Variants in TULP4 observed in about 807,000 individuals in gnomAD.
The protein encoded by TULP4 is TUB like protein 4.
In TULP4, 16 loss-of-function variants were observed where a neutral mutation model predicts 129.0. That is an observed-to-expected ratio of 0.12 (90% CI 0.08 to 0.19). The LOEUF is 0.19. TULP4 is among the 10% of genes least tolerant of loss of function. The pLI, the probability that TULP4 is intolerant of heterozygous loss-of-function variation, is 1.00. For synonymous variants in TULP4, 998 were observed against 854.0 expected, an observed-to-expected ratio of 1.17 and a Z score of -2.94; for missense variants, 1,842 against 2,059.1, an observed-to-expected ratio of 0.89 and a Z score of 2.04.
intron 1 of TULP4, among the ~76,000 whole-genome samples, chr6:158,284,844 GT>G (rs1778809821): frequency 6.6e-6 from 1 of 152,162 alleles, no homozygotes; most frequent in African/African-American, 2.4e-5. Flanking sequence ...CTTGCCCGAG[GT>G]GTGAGCCTCG....
chr6:158,484,826 G>A (rs886129251), intron 8 of TULP4, among the ~76,000 whole-genome samples: 4 of 152,238 alleles, frequency 2.6e-5, no homozygotes, highest in Non-Finnish European at 4.4e-5. Flanking sequence ...GTGTGTGCAC[G>A]CACGCTTGTG....
chr6:158,240,338 CG>C (rs1554272970), intron 1 of TULP4, among the ~76,000 whole-genome samples: 2 of 78,088 alleles, frequency 2.6e-5, no homozygotes, highest in African/African-American at 4.5e-5. Flanking sequence ...GCTGGCCGGG[CG>C]GGGGGCTGAC....
At chr6:158,489,245 T>C (rs1780140121) in intron 8 of TULP4, among the ~76,000 whole-genome samples, 1 of 152,220 alleles carries the variant, frequency 6.6e-6, no homozygotes, top group Admixed American at 6.5e-5. Flanking sequence ...GCCCAGGTTC[T>C]GTGGCTGCCT....
At chr6:158,505,371 C>T (rs1327555379) in intron 13 of TULP4, among the ~76,000 whole-genome samples, 4 of 152,244 alleles carry the variant, frequency 2.6e-5, no homozygotes, top group Admixed American at 6.5e-5. Flanking sequence ...TCTGGCCAGC[C>T]GCCTCTTTTT....
chr6:158,355,493 C>T (rs562485694), intron 1 of TULP4, among the ~76,000 whole-genome samples: 37 of 152,172 alleles, frequency 2.4e-4, no homozygotes, highest in African/African-American at 8.9e-4. Context: ...GCCCTGAGTA[C>T]CAAGGAAAGG....
intron 3 of TULP4, among the ~76,000 whole-genome samples, chr6:158,439,223 C>G (rs984466289): frequency 6.6e-6 from 1 of 152,046 alleles, no homozygotes; most frequent in African/African-American, 2.4e-5. Flanking sequence ...TATCAACTAA[C>G]ACATAGAAGA....
At chr6:158,277,860 C>G (rs1178524344), upstream of TULP4, among the ~76,000 whole-genome samples, 1 of 152,184 alleles carries the variant, frequency 6.6e-6, no homozygotes, top group African/African-American at 2.4e-5. Flanking sequence ...TTTTCTTTTT[C>G]TGGCAGCAGT....
intron 5 of TULP4, among the ~76,000 whole-genome samples, chr6:158,455,055 A>ATTTTTTTT (rs781328845): frequency 9.0e-5 from 3 of 33,212 alleles, no homozygotes; most frequent in African/African-American, 6.8e-4. Flanking sequence ...CAAATTTAAC[A>ATTTTTTTT]TTTTTTTTTT....
intron 3 of TULP4, among the ~76,000 whole-genome samples, chr6:158,440,639 C>A (rs767792934): frequency 2.0e-5 from 3 of 152,194 alleles, no homozygotes; most frequent in Non-Finnish European, 4.4e-5. Flanking sequence ...TGGTTCTTGT[C>A]AAAATCAGCA....
At chr6:158,343,418 T>C (rs1015192152) in intron 1 of TULP4, among the ~76,000 whole-genome samples, 1 of 152,176 alleles carries the variant, frequency 6.6e-6, no homozygotes, top group Non-Finnish European at 1.5e-5. Flanking sequence ...GCTGAACATT[T>C]GTGTTCCCTC....
intron 1 of TULP4, among the ~76,000 whole-genome samples, chr6:158,248,751 TA>T (rs1424701514): frequency 6.6e-6 from 1 of 151,194 alleles, no homozygotes; most frequent in Non-Finnish European, 1.5e-5. Flanking sequence ...CCAAAATAAA[TA>T]AATAAGTAAG....
intron 6 of TULP4, among the ~76,000 whole-genome samples, chr6:158,474,120 CCTT>C (rs1469672427): frequency 6.6e-6 from 1 of 152,250 alleles, no homozygotes; most frequent in Non-Finnish European, 1.5e-5. Flanking sequence ...TGCACCTTGC[CCTT>C]CTTCTGTTTT....
intron 3 of TULP4, among the ~76,000 whole-genome samples, chr6:158,431,875 T>C (rs1417047460): frequency 6.6e-6 from 1 of 152,060 alleles, no homozygotes; most frequent in Non-Finnish European, 1.5e-5. Flanking sequence ...AAAGAGCTGA[T>C]GTGGCAAGCA....
At chr6:158,248,164 G>A (rs993483599) in intron 1 of TULP4, among the ~76,000 whole-genome samples, 1 of 152,110 alleles carries the variant, frequency 6.6e-6, no homozygotes, top group Non-Finnish European at 1.5e-5. Context: ...ATGCCTGGCC[G>A]TGCATGGTGG....
intron 1 of TULP4, among the ~76,000 whole-genome samples, chr6:158,383,096 G>C (rs957584639): frequency 1.2e-4 from 19 of 152,182 alleles, no homozygotes; most frequent in African/African-American, 4.6e-4. Flanking sequence ...CCTGGCACCA[G>C]AATGCAACCC....
At chr6:158,476,692 G>A (rs1779828521) in intron 6 of TULP4, among the ~76,000 whole-genome samples, 1 of 152,140 alleles carries the variant, frequency 6.6e-6, no homozygotes, top group South Asian at 2.1e-4. Context: ...CTTCCTATTT[G>A]CCTTTTCTAT....
At chr6:158,253,240 G>GACACTCATAT (rs1228796779) in intron 1 of TULP4, among the ~76,000 whole-genome samples, 1 of 152,184 alleles carries the variant, frequency 6.6e-6, no homozygotes, top group African/African-American at 2.4e-5. Context: ...CCCTCACTGT[G>GACACTCATAT]AGGAAGAATG....
intron 1 of TULP4, among the ~76,000 whole-genome samples, chr6:158,240,862 C>T (rs930364821): frequency 1.3e-5 from 2 of 151,070 alleles, no homozygotes; most frequent in African/African-American, 4.8e-5. Context: ...CCCCACCTCC[C>T]TCCCGGACGG....
chr6:158,489,781 G>A (rs1780157108), intron 9 of TULP4, 49 bp downstream of exon 9: 1 of 1,607,580 alleles, frequency 6.2e-7, no homozygotes, highest in Non-Finnish European at 8.5e-7. Context: ...CTCTGAATAT[G>A]TGTGTTTGTG....
Sources: allele counts gnomAD v4.1 joint callset (sites outside exome capture counted in the v4.1 genomes callset), GRCh38; gene constraint gnomAD v4.1.1; transcripts MANE v1.5; gene names NCBI Gene and HGNC (gene_info 2026-07-23, HGNC 2026-07-21).